The following RALGDS variants were observed in gnomAD, a reference collection of about 807,000 sequenced individuals.
The protein encoded by RALGDS is ral guanine nucleotide exchange factor.
RALGDS carries 44 observed loss-of-function variants against 99.8 expected under a neutral mutation model. The ratio of observed to expected loss-of-function variants is 0.44; its 90% CI spans 0.35 to 0.57. The LOEUF is 0.57. Ranked by LOEUF, RALGDS falls within the 20% of genes least tolerant of loss-of-function variation. The probability of loss-of-function intolerance (pLI) is 0.01; values close to 1 mark genes in which losing one functional copy is unlikely to be tolerated. For synonymous variants in RALGDS, 529 were observed against 505.0 expected (o/e 1.05, Z -0.64); for missense variants, 1,022 against 1,203.1 (o/e 0.85, Z 2.23).
upstream of RALGDS, among the ~76,000 whole-genome samples, chr9:133,134,119 A>G (rs1447288317): frequency 6.6e-6 from 1 of 152,180 alleles, no homozygotes; most frequent in Non-Finnish European, 1.5e-5. Context: ...AGGCCCCGTC[A>G]AGTCGCTCAA....
chr9:133,125,203 G>A (rs865994373), upstream of RALGDS, among the ~76,000 whole-genome samples: 6 of 152,204 alleles, frequency 3.9e-5, no homozygotes, highest in Admixed American at 1.3e-4. Context: ...GATGACATTA[G>A]ACATCTTTTT....
chr9:133,140,499 C>T (rs1832501048), intron 1 of RALGDS, among the ~76,000 whole-genome samples: 1 of 152,122 alleles, frequency 6.6e-6, no homozygotes, highest in African/African-American at 2.4e-5. Flanking sequence ...AGAGGTCCTG[C>T]ACCCTTCCCA....
In RALGDS at chr9:133,108,015, C is replaced by T. The variant is rs1352936826; in HGVS notation, c.1170G>A (p.Val390=). The change falls in exon 6 of 18, where the codon GTG becomes GTA. Residue 390 remains valine (V), a synonymous_variant. Coordinates refer to ENST00000372050, the MANE Select transcript of RALGDS (RefSeq NM_006266.4). ...CATCCATCAGTGTAAACTGCTCTGC[C>T]ACCAGATCTGGAGGGAACACCAAGA... ...PHLLVFPPDL[V]AEQFTLMDAE... is the part of the protein sequence containing the mutation. 12 of 1,613,266 alleles carry T rather than the reference C, an allele frequency of 7.4e-6. No individual in the cohort carries two copies. Among genetic ancestry groups the T allele is most frequent in the Admixed American group, 1.7e-5 (1 of 60,008 alleles).
At chr9:133,111,993 G>T in intron 2 of RALGDS, 49 bp downstream of exon 2, 1 of 1,408,720 alleles carries the variant, frequency 7.1e-7, no homozygotes, top group Non-Finnish European at 9.8e-7. Context: ...AAAAGTCCTG[G>T]GAGGGATCCC....
chr9:133,107,015 T>TA, intron 7 of RALGDS, 70 bp downstream of exon 7: 1 of 1,552,580 alleles, frequency 6.4e-7, no homozygotes. Flanking sequence ...GTACAGGGCC[T>TA]TGGACTGCAG....
At chr9:133,119,382 C>T (rs1228961006) in intron 1 of RALGDS, among the ~76,000 whole-genome samples, 2 of 151,914 alleles carry the variant, frequency 1.3e-5, no homozygotes, top group Non-Finnish European at 2.9e-5. Context: ...CTGCCAGGAT[C>T]CTGGTTTTCC....
chr9:133,098,922 G>A, intron 17 of RALGDS, 160 bp from the exon 18 acceptor site: 1 of 677,660 alleles, frequency 1.5e-6, no homozygotes. Context: ...AATGACTCCT[G>A]CCTGAGGACA....
intron 5 of RALGDS, 65 bp downstream of exon 5, chr9:133,108,608 C>A: frequency 6.3e-7 from 1 of 1,587,992 alleles, no homozygotes; most frequent in East Asian, 2.3e-5. Flanking sequence ...GGAGCCTCCT[C>A]TTCGTGTGGC....
upstream of RALGDS, among the ~76,000 whole-genome samples, chr9:133,123,987 G>GAC (rs145847951): frequency 1.0e-3 from 82 of 79,768 alleles, 6 homozygotes; most frequent in African/African-American, 2.8e-3. Flanking sequence ...CAGAGACACA[G>GAC]ACACACACAC....
intron 1 of RALGDS, among the ~76,000 whole-genome samples, chr9:133,136,781 A>G (rs1044693168): frequency 4.6e-5 from 7 of 151,868 alleles, no homozygotes; most frequent in Non-Finnish European, 7.4e-5. Context: ...AAAAACAAAC[A>G]AAAAAACTAG....
chr9:133,111,460 T>C (rs1302649071), intron 2 of RALGDS, among the ~76,000 whole-genome samples: 1 of 152,166 alleles, frequency 6.6e-6, no homozygotes, highest in Non-Finnish European at 1.5e-5. Flanking sequence ...TTTGTATTTT[T>C]AGTAGAGATG....
chr9:133,105,378 G>A (rs1830965818), intron 9 of RALGDS, among the ~76,000 whole-genome samples: 1 of 152,168 alleles, frequency 6.6e-6, no homozygotes, highest in African/African-American at 2.4e-5. Context: ...ATTCTACAGG[G>A]TTCTCTGGTC....
At chr9:133,136,873 G>T (rs1243723241) in intron 1 of RALGDS, among the ~76,000 whole-genome samples, 1 of 152,212 alleles carries the variant, frequency 6.6e-6, no homozygotes, top group Non-Finnish European at 1.5e-5. Flanking sequence ...GGAGGTGGAG[G>T]TTGCAGTGAG....
At chr9:133,127,118 CAGT>C (rs1350102370) in intron 1 of RALGDS, among the ~76,000 whole-genome samples, 1 of 152,240 alleles carries the variant, frequency 6.6e-6, no homozygotes, top group Non-Finnish European at 1.5e-5. Flanking sequence ...ATTCCTTGGC[CAGT>C]ACATCCTTGG....
At chr9:133,120,189 C>T (rs1374667370) in intron 1 of RALGDS, among the ~76,000 whole-genome samples, 1 of 152,182 alleles carries the variant, frequency 6.6e-6, no homozygotes, top group Non-Finnish European at 1.5e-5. Context: ...CCCAGAGACC[C>T]AGGGCACACG....
intron 4 of RALGDS, among the ~76,000 whole-genome samples, chr9:133,109,132 G>A (rs1039713002): frequency 3.3e-5 from 5 of 152,212 alleles, no homozygotes; most frequent in African/African-American, 4.8e-5. Context: ...TCCTCCTGCC[G>A]GGCATCTGCA....
chr9:133,108,967 G>A (rs897886149), intron 4 of RALGDS, 101 bp from the exon 5 acceptor site: 22 of 1,186,044 alleles, frequency 1.9e-5, no homozygotes, highest in South Asian at 9.2e-5. Context: ...CACCTGCCCC[G>A]GCCCAAGCCC....
At chr9:133,130,106 G>T (rs1434520832) in intron 1 of RALGDS, among the ~76,000 whole-genome samples, 1 of 152,142 alleles carries the variant, frequency 6.6e-6, no homozygotes, top group African/African-American at 2.4e-5. Context: ...TGGGTAGCTG[G>T]GACTACAGGC....
Position 133,121,194 on chromosome 9 carries a change from C to A in RALGDS, c.-40G>T. 1 of 884,446 alleles carries A rather than the reference C, an allele frequency of 1.1e-6. No individual in the cohort carries two copies. Among genetic ancestry groups the A allele is most frequent in the South Asian group, 4.8e-5 (1 of 20,678 alleles). The allele number at this position is 884,446 out of a possible 1,614,324, so 54.8% of individuals were successfully genotyped here. ...GCGGGCGCGGGGCCGGCCCGGCGCG[C>A]GGCGGGGGCGGCGGCGCGGCCCGCG... On this transcript the variant is annotated 5_prime_UTR_variant, in exon 1 of 18. Transcript: ENST00000372050.
Sources: allele counts gnomAD v4.1 joint callset (sites outside exome capture counted in the v4.1 genomes callset), GRCh38; gene constraint gnomAD v4.1.1; transcripts MANE v1.5; gene names NCBI Gene and HGNC (gene_info 2026-07-23, HGNC 2026-07-21).